SYNDIG1: variants seen among roughly 807,000 people sequenced by gnomAD.
SYNDIG1 encodes the protein synapse differentiation-inducing gene protein 1.
In SYNDIG1, 9 loss-of-function variants were observed where a neutral mutation model predicts 19.4. The ratio of observed to expected loss-of-function variants is 0.46; its 90% CI spans 0.28 to 0.81. SYNDIG1 has a LOEUF of 0.81. Among genes scored for constraint, SYNDIG1 ranks in the 30% least tolerant of loss-of-function variants. SYNDIG1 has a pLI of 0.12. For missense variants in SYNDIG1, 311 were observed against 343.3 expected (o/e 0.91, Z 0.74); for synonymous variants, 141 against 145.9 (o/e 0.97, Z 0.24).
chr20:24,582,667 T>G (rs953950192), intron 2 of SYNDIG1, among the ~76,000 whole-genome samples: 3 of 152,116 alleles, frequency 2.0e-5, no homozygotes, highest in African/African-American at 4.8e-5. Context: ...TGCATCCCTG[T>G]GGGCTGTTCC....
chr20:24,607,319 C>T (rs186241524), intron 3 of SYNDIG1, among the ~76,000 whole-genome samples: 325 of 150,296 alleles, frequency 2.2e-3, no homozygotes, highest in Middle Eastern at 0.014. Context: ...CAAGATCACA[C>T]CACTGCACTG....
chr20:24,544,689 C>T (rs1366939548), intron 2 of SYNDIG1, among the ~76,000 whole-genome samples: 2 of 151,960 alleles, frequency 1.3e-5, no homozygotes, highest in East Asian at 1.9e-4. Context: ...GTTTGAAGGG[C>T]TCTGGGTTGA....
intron 3 of SYNDIG1, among the ~76,000 whole-genome samples, chr20:24,624,890 G>C (rs1302642268): frequency 6.6e-6 from 1 of 152,064 alleles, no homozygotes; most frequent in Admixed American, 6.5e-5. Flanking sequence ...CTAAATAACA[G>C]AAAGATACAG....
intron 2 of SYNDIG1, among the ~76,000 whole-genome samples, chr20:24,574,509 G>GTAAATAAATAAA (rs1387493931): frequency 6.6e-6 from 1 of 151,456 alleles, no homozygotes; most frequent in African/African-American, 2.4e-5. Context: ...AAATAAATAA[G>GTAAATAAATAAA]TAAATAAATA....
At chr20:24,581,260 T>C (rs533054154) in intron 2 of SYNDIG1, among the ~76,000 whole-genome samples, 16 of 152,274 alleles carry the variant, frequency 1.1e-4, no homozygotes, top group African/African-American at 3.9e-4. Flanking sequence ...CTCAGCTTTG[T>C]CCTTTGTAAA....
intron 1 of SYNDIG1, among the ~76,000 whole-genome samples, chr20:24,530,258 T>G (rs2057228970): frequency 6.6e-6 from 1 of 152,106 alleles, no homozygotes; most frequent in Admixed American, 6.5e-5. Flanking sequence ...ATAAATCAGA[T>G]TTGGAGTTCC....
chr20:24,577,199 C>G (rs929664274), intron 2 of SYNDIG1, among the ~76,000 whole-genome samples: 2 of 152,232 alleles, frequency 1.3e-5, no homozygotes, highest in Non-Finnish European at 2.9e-5. Context: ...CTGTGTGCAT[C>G]ACACATTGGG....
intron 1 of SYNDIG1, among the ~76,000 whole-genome samples, chr20:24,483,251 GGTGTGCAT>G (rs1194901243): frequency 1.3e-5 from 2 of 152,180 alleles, no homozygotes; most frequent in Non-Finnish European, 2.9e-5. Context: ...TGCAGAGAAA[GGTGTGCAT>G]GTGTGGAAGG....
At chr20:24,638,290 T>G (rs1358905337) in intron 3 of SYNDIG1, among the ~76,000 whole-genome samples, 1 of 152,190 alleles carries the variant, frequency 6.6e-6, no homozygotes. Flanking sequence ...AACTGACAAG[T>G]TTGCATATAT....
At chr20:24,476,176 CTTAACAGTTTTTT>C (rs1051171998) in intron 1 of SYNDIG1, among the ~76,000 whole-genome samples, 2 of 152,038 alleles carry the variant, frequency 1.3e-5, no homozygotes, top group Non-Finnish European at 2.9e-5. Context: ...TGCATAGTAT[CTTAACAGTTTTTT>C]TTCTTATATA....
At position 24,665,378 on chromosome 20, in the gene SYNDIG1, C is replaced by A. The variant is rs1208311937; in HGVS notation, c.651C>A (p.His217Gln). Residue 217 changes from histidine to glutamine, a missense_variant, in exon 4 of 4, where the codon CAC becomes CAA. His to Gln is a conservative substitution (Grantham distance 24). Coordinates refer to ENST00000376862, the MANE Select transcript of SYNDIG1 (RefSeq NM_024893.3). ...AAGCCGTGGCCAAGGGGGACTTGCA[C>A]CAGGCCAGCACCAGCTCCCGGCGGG... ...TNKAVAKGDL[H>Q]QASTSSRRAL... The A allele has an allele frequency of 6.2e-7, 1 of 1,606,526 alleles. No homozygotes were observed. Among genetic ancestry groups the A allele is most frequent in the Non-Finnish European group, 8.5e-7 (1 of 1,177,694 alleles).
At chr20:24,471,506 A>G (rs2055456410) in intron 1 of SYNDIG1, among the ~76,000 whole-genome samples, 1 of 151,204 alleles carries the variant, frequency 6.6e-6, no homozygotes, top group African/African-American at 2.4e-5. Flanking sequence ...GCCCCTTTGC[A>G]AGGAGCAAGC....
At chr20:24,602,899 A>T (rs866032425) in intron 3 of SYNDIG1, among the ~76,000 whole-genome samples, 1 of 152,340 alleles carries the variant, frequency 6.6e-6, no homozygotes. Context: ...AAGGACCTAG[A>T]TTATCTGTCA....
At chr20:24,519,924 C>T (rs1018769440) in intron 1 of SYNDIG1, among the ~76,000 whole-genome samples, 3 of 152,152 alleles carry the variant, frequency 2.0e-5, no homozygotes, top group African/African-American at 7.2e-5. Context: ...CATTTAGTAA[C>T]TAACCCATGC....
At chr20:24,647,163 T>A (rs2059429745) in intron 3 of SYNDIG1, among the ~76,000 whole-genome samples, 1 of 152,188 alleles carries the variant, frequency 6.6e-6, no homozygotes, top group Non-Finnish European at 1.5e-5. Context: ...AGTCAGCACT[T>A]CATTAGAAGG....
chr20:24,483,965 T>C (rs112980200), intron 1 of SYNDIG1, among the ~76,000 whole-genome samples: 1 of 152,116 alleles, frequency 6.6e-6, no homozygotes, highest in African/African-American at 2.4e-5. Context: ...TAAGGGGTCT[T>C]CTCGGCAGAG....
intron 1 of SYNDIG1, among the ~76,000 whole-genome samples, chr20:24,490,995 G>A (rs531108588): frequency 2.0e-5 from 3 of 152,338 alleles, no homozygotes; most frequent in African/African-American, 7.2e-5. Context: ...CCATGGAGTC[G>A]TGGCCCCTGG....
At chr20:24,632,286 C>A (rs2059255770) in intron 3 of SYNDIG1, among the ~76,000 whole-genome samples, 1 of 152,170 alleles carries the variant, frequency 6.6e-6, no homozygotes, top group Non-Finnish European at 1.5e-5. Flanking sequence ...TCGCTCCAGG[C>A]TGGAGTGCAG....
rs1167531806 is a variant in SYNDIG1 at position 24,587,612 on chromosome 20, T to C, written c.618+2619T>C. ...TAGAACAGATGCAATCTGAGAATCCTTGCACTAAATTAAATCAGTGCTTTC... is the reference window on the plus strand; with the variant it reads ...TAGAACAGATGCAATCTGAGAATCCCTGCACTAAATTAAATCAGTGCTTTC... On this transcript the variant is annotated intron_variant, in intron 3 of 3. Transcript: ENST00000376862. 3.9e-5 allele frequency among the ~76,000 whole-genome samples: 6 copies of C among 152,234 alleles called. No individual in the cohort carries two copies. In the East Asian group the frequency reaches 1.2e-3, roughly 29 times the overall value.
Sources: gnomAD v4.1 joint callset for allele counts (sites outside exome capture counted in the v4.1 genomes callset) on GRCh38, gnomAD v4.1.1 for gene constraint, MANE v1.5 for transcripts, NCBI Gene and HGNC (gene_info 2026-07-23, HGNC 2026-07-21) for gene names.